Variants in CALHM4 observed in about 807,000 individuals in gnomAD.
The protein encoded by CALHM4 is calcium homeostasis modulator family member 4.
In CALHM4, 16 loss-of-function variants were observed where a neutral mutation model predicts 13.3. The ratio of observed to expected loss-of-function variants is 1.20; its 90% CI spans 0.81 to 1.82. The LOEUF is 1.82. Among genes scored for constraint, CALHM4 ranks in the 40% most tolerant of loss-of-function variants. CALHM4 has a pLI of 0.00. For missense variants in CALHM4, 344 were observed against 374.9 expected (o/e 0.92, Z 0.68); for synonymous variants, 127 against 137.1 (o/e 0.93, Z 0.52).
chr6:116,549,387 C>G (rs141973289), upstream of CALHM4, among the ~76,000 whole-genome samples: 208 of 152,256 alleles, frequency 1.4e-3, no homozygotes, highest in African/African-American at 3.5e-3. Context: ...ATATACACTT[C>G]AGGCTTTGCT....
chr6:116,555,369 C>T (rs1774264381), intron 1 of CALHM4, among the ~76,000 whole-genome samples: 1 of 152,080 alleles, frequency 6.6e-6, no homozygotes, highest in East Asian at 1.9e-4. Context: ...AAATGTAACA[C>T]ACATTGGTAA....
chr6:116,548,651 A>G (rs913424726), intron 2 of CALHM4, among the ~76,000 whole-genome samples: 1 of 152,174 alleles, frequency 6.6e-6, no homozygotes, highest in African/African-American at 2.4e-5. Flanking sequence ...GATGCTCCTC[A>G]ACTTGTGATA....
intron 1 of CALHM4, among the ~76,000 whole-genome samples, chr6:116,540,067 G>C (rs775721647): frequency 6.6e-6 from 1 of 152,288 alleles, no homozygotes; most frequent in East Asian, 1.9e-4. Flanking sequence ...CATGTTTTAA[G>C]GTTGCCCTAT....
intron 1 of CALHM4, among the ~76,000 whole-genome samples, chr6:116,537,703 A>G (rs1773186921): frequency 6.6e-6 from 1 of 152,200 alleles, no homozygotes; most frequent in Non-Finnish European, 1.5e-5. Context: ...GGGCAAGGTG[A>G]GGAGCATTCG....
upstream of CALHM4, among the ~76,000 whole-genome samples, chr6:116,549,535 T>C (rs1562360520): frequency 6.6e-6 from 1 of 152,076 alleles, no homozygotes; most frequent in Non-Finnish European, 1.5e-5. Context: ...CAAGACCTCT[T>C]TTCTAGCTGT....
chr6:116,543,738 TA>T, intron 1 of CALHM4: 2 of 1,258,266 alleles, frequency 1.6e-6, no homozygotes, highest in Non-Finnish European at 2.2e-6. Flanking sequence ...TCTGTTTTTC[TA>T]AAATATATGC....
intron 2 of CALHM4, chr6:116,543,878 TTTC>T: frequency 1.3e-6 from 2 of 1,529,120 alleles, no homozygotes; most frequent in Non-Finnish European, 1.7e-6. Context: ...AATTTGTGAG[TTTC>T]TTTTCTTTTT....
intron 1 of CALHM4, among the ~76,000 whole-genome samples, chr6:116,535,171 G>C (rs566280211): frequency 6.6e-6 from 1 of 152,232 alleles, no homozygotes; most frequent in Non-Finnish European, 1.5e-5. Context: ...TCAATGTGCA[G>C]ATGATAGCTA....
rs1157153129 is a variant in CALHM4 at position 116,543,942 on chromosome 6, T to TGTCC, written c.-1+71_-1+74dup. On this transcript the variant is annotated intron_variant, in intron 2 of 2. Transcript: ENST00000368597. Reference sequence around the variant, plus strand: ...TATTTCCTTATAGTTCTCCAAAATATGTCCCATTTTTAGAGTAAATTATAA... The same window carrying TGTCC: ...TATTTCCTTATAGTTCTCCAAAATATGTCCGTCCCATTTTTAGAGTAAATTATAA... 4 of 1,213,288 alleles carry TGTCC rather than the reference T, an allele frequency of 3.3e-6. No homozygotes were observed. In the African/African-American group the frequency reaches 4.6e-5, roughly 14 times the overall value. The allele number at this position is 1,213,288 out of a possible 1,614,324, so 75.2% of individuals were successfully genotyped here.
chr6:116,540,884 T>G (rs1373518279), intron 1 of CALHM4, among the ~76,000 whole-genome samples: 2 of 152,152 alleles, frequency 1.3e-5, no homozygotes, highest in Non-Finnish European at 2.9e-5. Flanking sequence ...TCTCTTAGCA[T>G]TGTTATCAGG....
intron 1 of CALHM4, among the ~76,000 whole-genome samples, chr6:116,541,751 A>G (rs1331689510): frequency 3.9e-5 from 6 of 152,200 alleles, no homozygotes; most frequent in African/African-American, 1.2e-4. Flanking sequence ...TCTAATTCTC[A>G]CTTTGCATAT....
Position 116,554,368 on chromosome 6 carries a change from T to A in CALHM4, c.558+17T>A. The A allele has an allele frequency of 6.6e-7, 1 of 1,505,254 alleles. No individual in the cohort carries two copies. Among genetic ancestry groups the A allele is most frequent in the Non-Finnish European group, 8.9e-7 (1 of 1,129,450 alleles). 93.2% of individuals were successfully genotyped at this position (1,505,254 alleles called of 1,614,324 possible). On this transcript the variant is annotated intron_variant, in intron 1 of 1. Transcript: ENST00000368596. ...CAGTCACAGGTAAGTTTTTAGAATTTTTTTCCCTCTGCTATGTTATCCTAT... is the reference window on the plus strand; with the variant it reads ...CAGTCACAGGTAAGTTTTTAGAATTATTTTCCCTCTGCTATGTTATCCTAT...
chr6:116,552,061 C>T (rs1438795276), upstream of CALHM4, among the ~76,000 whole-genome samples: 1 of 152,078 alleles, frequency 6.6e-6, no homozygotes, highest in Non-Finnish European at 1.5e-5. Context: ...GGCTCATTTT[C>T]CTTTTTGCTG....
chr6:116,557,028 T>C (rs1325977709), intron 1 of CALHM4, among the ~76,000 whole-genome samples: 1 of 151,344 alleles, frequency 6.6e-6, no homozygotes, highest in African/African-American at 2.4e-5. Context: ...ACTTCTGCCT[T>C]CTGGGTTCAA....
At chr6:116,545,399 TA>T in intron 2 of CALHM4, 1 of 1,361,678 alleles carries the variant, frequency 7.3e-7, no homozygotes, top group Non-Finnish European at 1.0e-6. Flanking sequence ...CATCAGTTTT[TA>T]AAATCAATCA....
chr6:116,531,467 T>A (rs1374604588), intron 1 of CALHM4, among the ~76,000 whole-genome samples: 1 of 152,088 alleles, frequency 6.6e-6, no homozygotes, highest in Non-Finnish European at 1.5e-5. Flanking sequence ...GGCACAGGAC[T>A]GAAGTAGAGA....
In CALHM4 at chr6:116,557,904, T is replaced by G; in HGVS notation, c.638T>G (p.Leu213Arg). 6.2e-7 allele frequency: 1 copy of G among 1,614,130 alleles called. No individual in the cohort carries two copies. Among genetic ancestry groups the G allele is most frequent in the Non-Finnish European group, 8.5e-7 (1 of 1,180,008 alleles). Residue 213 changes from leucine to arginine, a missense_variant, in exon 2 of 2, where the codon CTC (leucine) becomes CGC (arginine). Leu to Arg is a moderately radical substitution (Grantham distance 102). Coordinates refer to ENST00000368596, the MANE Select transcript of CALHM4 (RefSeq NM_001366078.2). ...TGTGTGGCAAAGTGCTGCTCTCCCC[T>G]CACCTCTCTGCAACATTGCTACTGG... ...SCCVAKCCSP[L>R]TSLQHCYWTS...
chr6:116,544,443 T>C (rs1773653172), intron 2 of CALHM4, among the ~76,000 whole-genome samples: 1 of 152,104 alleles, frequency 6.6e-6, no homozygotes, highest in Non-Finnish European at 1.5e-5. Context: ...GGCCAAGGAC[T>C]GTACCTTGAA....
chr6:116,541,951 C>G (rs1340001312), intron 1 of CALHM4, among the ~76,000 whole-genome samples: 1 of 152,118 alleles, frequency 6.6e-6, no homozygotes, highest in Non-Finnish European at 1.5e-5. Flanking sequence ...AAGGAAAGAT[C>G]TTTCTGCAGC....
Sources: gnomAD v4.1 joint callset for allele counts (sites outside exome capture counted in the v4.1 genomes callset) on GRCh38, gnomAD v4.1.1 for gene constraint, MANE v1.5 for transcripts, NCBI Gene and HGNC (gene_info 2026-07-23, HGNC 2026-07-21) for gene names.